The following NCAPD2 variants were observed in gnomAD, a reference collection of about 807,000 sequenced individuals.
NCAPD2 encodes condensin complex subunit 1.
A neutral mutation model predicts 164.5 loss-of-function variants in NCAPD2; 100 were observed. The ratio of observed to expected loss-of-function variants is 0.61; its 90% confidence interval spans 0.52 to 0.72. NCAPD2 has a LOEUF of 0.72. NCAPD2 is among the 30% of genes least tolerant of loss of function. The probability of loss-of-function intolerance (pLI) is 0.00; values close to 1 mark genes in which losing one functional copy is unlikely to be tolerated. For synonymous variants in NCAPD2, 585 were observed against 642.6 expected (o/e 0.91, Z 1.36); for missense variants, 1,560 against 1,749.2 (o/e 0.89, Z 1.93).
At chr12:6,508,984 GA>G (rs1388488950) in intron 2 of NCAPD2, among the ~76,000 whole-genome samples, 3 of 151,978 alleles carry the variant, frequency 2.0e-5, no homozygotes, top group Non-Finnish European at 4.4e-5. Context: ...TCAAGATGAT[GA>G]AAGATAAAGA....
intron 22 of NCAPD2, 64 bp downstream of exon 22, chr12:6,527,127 C>T (rs1379710647): frequency 6.9e-7 from 1 of 1,450,148 alleles, no homozygotes; most frequent in Non-Finnish European, 9.2e-7. Flanking sequence ...CTGAGCTGAT[C>T]CCCTTCCGGC....
Position 6,514,466 on chromosome 12 carries a change from G to A in NCAPD2, c.718G>A (p.Ala240Thr). ...ALTRYNHMLS[A>T]TVKIIQMLQH... ...TCTCATGTTTAATGCTTCCACAGGT[G>A]CTACAGTGAAGATCATCCAGATGCT... The change falls in exon 8 of 32, where the codon GCT becomes ACT. Residue 240 changes from alanine (A) to threonine (T), a missense_variant and splice_region_variant. Coordinates refer to ENST00000315579, the MANE Select transcript of NCAPD2 (RefSeq NM_014865.4). 1.2e-6 allele frequency: 2 copies of A among 1,614,146 alleles called. No individual in the cohort carries two copies. The highest frequency in any genetic ancestry group is 2.2e-5 in the South Asian group (2 of 91,078).
chr12:6,501,636 A>G (rs1373402615), intron 2 of NCAPD2, among the ~76,000 whole-genome samples: 1 of 152,182 alleles, frequency 6.6e-6, no homozygotes, highest in African/African-American at 2.4e-5. Context: ...CACATTTAGG[A>G]TTTAATACTC....
At chr12:6,504,204 T>TACAC (rs1271618704) in intron 2 of NCAPD2, among the ~76,000 whole-genome samples, 7 of 22,616 alleles carry the variant, frequency 3.1e-4, no homozygotes, top group Admixed American at 1.9e-3. Flanking sequence ...TATATATATA[T>TACAC]ATATATATAT....
chr12:6,525,925 G>C (rs1044234743), intron 18 of NCAPD2, 143 bp from the exon 19 acceptor site: 1 of 1,250,274 alleles, frequency 8.0e-7, no homozygotes, highest in African/African-American at 1.5e-5. Flanking sequence ...GACCCAAGAG[G>C]CTGGCCCTGC....
At chr12:6,511,329 G>GT in intron 6 of NCAPD2, 77 bp downstream of exon 6, 5 of 1,521,204 alleles carry the variant, frequency 3.3e-6, no homozygotes, top group East Asian at 2.3e-5. Context: ...CGTTTTTTTG[G>GT]TTTTGTTTTT....
chr12:6,523,351 G>A lies in NCAPD2; in HGVS notation c.2214+5G>A, dbSNP rs1946284068. Reference sequence around the variant, plus strand: ...ATTCAGTGTCTTGAGGAAATTGTAAGGCTTCCTGCTTTCTCTTTCTTTATT... The same window carrying A: ...ATTCAGTGTCTTGAGGAAATTGTAAAGCTTCCTGCTTTCTCTTTCTTTATT... On this transcript the variant is annotated splice_donor_5th_base_variant and intron_variant, in intron 17 of 31. Coordinates refer to ENST00000315579, the MANE Select transcript of NCAPD2 (RefSeq NM_014865.4). 2 of 1,602,826 alleles carry A rather than the reference G, an allele frequency of 1.2e-6. No homozygotes were observed. Among genetic ancestry groups the A allele is most frequent in the Non-Finnish European group, 1.7e-6 (2 of 1,171,718 alleles).
In NCAPD2 at chr12:6,522,889, G is replaced by A; in HGVS notation, c.2016G>A (p.Leu672=). The change falls in exon 16 of 32, where the codon CTG becomes CTA. Residue 672 remains leucine (L), a synonymous_variant. Transcript: ENST00000315579. ...TCCAATTTGGGGTACCCCAGGCCCT[G>A]TTTGGGGTGCGCCGTATGCTGCCTC... is the stretch of plus-strand genomic sequence containing the variant. ...MVFQFGVPQA[L]FGVRRMLPLI... is the part of the protein sequence containing the mutation. The A allele has an allele frequency of 2.5e-6, 4 of 1,614,206 alleles. No homozygotes were observed. The highest frequency in any genetic ancestry group is 3.4e-6 in the Non-Finnish European group (4 of 1,180,028).
chr12:6,498,169 A>C (rs958025614), intron 2 of NCAPD2, among the ~76,000 whole-genome samples: 1 of 152,158 alleles, frequency 6.6e-6, no homozygotes, highest in African/African-American at 2.4e-5. Context: ...TCAGCCTCCC[A>C]AAGTGCTGAG....
intron 21 of NCAPD2, 117 bp from the exon 22 acceptor site, chr12:6,526,774 C>A (rs1362021777): frequency 2.1e-6 from 3 of 1,421,242 alleles, no homozygotes; most frequent in Admixed American, 2.0e-5. Flanking sequence ...CCAACTCTTA[C>A]TACTTCACTA....
In NCAPD2 at chr12:6,530,931, C is replaced by G. The variant is rs375102795; in HGVS notation, c.3975C>G (p.Tyr1325Ter). 1.9e-6 allele frequency: 3 copies of G among 1,614,004 alleles called. No homozygotes were observed. In the African/African-American group the frequency reaches 4.0e-5, roughly 22 times the overall value. ...TCCTGCCTTTTCTAGGTTCTAGGTA[C>G]CAGCCTCTGGCTTCTACAGCCTCAG... Reference protein sequence around the residue: ...SAKKPSTGSRYQPLASTASDN... With the variant: ...SAKKPSTGSR Residue 1325 changes from tyrosine (Y) to a stop codon, truncating the protein, a stop_gained, in exon 31 of 32, where the codon TAC becomes TAG. Transcript: ENST00000315579. LOFTEE classifies it high-confidence loss of function.
intron 2 of NCAPD2, among the ~76,000 whole-genome samples, chr12:6,508,878 G>A (rs987953138): frequency 1.3e-5 from 2 of 152,050 alleles, no homozygotes; most frequent in African/African-American, 2.4e-5. Flanking sequence ...GTAATCTTAC[G>A]AAAATACATA....
In NCAPD2 at chr12:6,521,985, TAC is replaced by T; in HGVS notation, c.1904_1905del (p.Thr635ArgfsTer12). On this transcript the variant is annotated frameshift_variant, in exon 15 of 32. Transcript: ENST00000315579. LOFTEE classifies it high-confidence loss of function. ...ATGCCTACAGCTTCTCCCGGAAGAT[TAC>T]AGAGGCCATTGGCATCATCAGCAAG... The part of the protein sequence containing the change: ...QDAYSFSRKI[T>X]EAIGIISKMM... 1 of 1,614,188 alleles carries T rather than the reference TAC, an allele frequency of 6.2e-7. No homozygotes were observed. Among genetic ancestry groups the T allele is most frequent in the African/African-American group, 1.3e-5 (1 of 75,038 alleles).
intron 1 of NCAPD2, among the ~76,000 whole-genome samples, chr12:6,494,357 C>A (rs529374678): frequency 1.3e-5 from 2 of 149,382 alleles, no homozygotes; most frequent in Non-Finnish European, 3.0e-5. Context: ...TTAAGCAAAT[C>A]GCTTAACAGA....
chr12:6,528,538 GCTTTC>G lies in NCAPD2; in HGVS notation c.3300-140_3300-136del. The G allele has an allele frequency of 8.4e-7, 1 of 1,196,480 alleles. No individual in the cohort carries two copies. The allele number at this position is 1,196,480 out of a possible 1,614,324, so 74.1% of individuals were successfully genotyped here. The stretch of plus-strand genomic sequence containing the variant: ...AGCTTCACCTCTTTCCCCCACTCCA[GCTTTC>G]AACTCTAGACAGCTTTCTGACTGCT... On this transcript the variant is annotated intron_variant, in intron 25 of 31. Transcript: ENST00000315579. This position sits in a 1 kb window ranked among gnomAD's most constrained non-coding sequence, Gnocchi z 5.1.
At chr12:6,503,994 A>G (rs887604029) in intron 2 of NCAPD2, among the ~76,000 whole-genome samples, 2 of 151,654 alleles carry the variant, frequency 1.3e-5, no homozygotes, top group East Asian at 1.9e-4. Flanking sequence ...ATGTATATAT[A>G]TTTGTGAGGG....
In NCAPD2 at chr12:6,526,332, C is replaced by T; in HGVS notation, c.2527C>T (p.His843Tyr). ...CCCCCCCTTCCGGCTGCCTCAGGAA[C>T]ACAGGTTGTTTGAGCGACTGCGGGA... ...RHPPFRLPQE[H>Y]RLFERLRETV... is the part of the protein sequence containing the mutation. The change falls in exon 20 of 32, where the codon CAC becomes TAC. Residue 843 changes from histidine to tyrosine, a missense_variant. His to Tyr is a moderately conservative substitution (Grantham distance 83, BLOSUM62 2). Coordinates refer to ENST00000315579, the MANE Select transcript of NCAPD2 (RefSeq NM_014865.4). 1 of 1,614,174 alleles carries T rather than the reference C, an allele frequency of 6.2e-7. No homozygotes were observed. The highest frequency in any genetic ancestry group is 1.3e-5 in the African/African-American group (1 of 75,052).
Position 6,528,464 on chromosome 12 carries a change from A to G in NCAPD2, c.3299+136A>G. The stretch of plus-strand genomic sequence containing the variant: ...CATCTGCTTGATACTTGACCTGTAC[A>G]GGCCCCTGGCTAAGAGTCACCCCAG... On this transcript the variant is annotated intron_variant, in intron 25 of 31. Coordinates refer to ENST00000315579, the MANE Select transcript of NCAPD2 (RefSeq NM_014865.4). The surrounding 1 kb of genome is among the most constrained non-coding windows in gnomAD (Gnocchi z 5.1). 2 of 1,301,666 alleles carry G rather than the reference A, an allele frequency of 1.5e-6. No individual in the cohort carries two copies. The highest frequency in any genetic ancestry group is 2.3e-5 in the East Asian group (1 of 43,074). The allele number at this position is 1,301,666 out of a possible 1,614,324, so 80.6% of individuals were successfully genotyped here. A position where few individuals can be genotyped will look rare whatever the true frequency, so the allele number is the denominator to read the frequency against.
At position 6,528,503 on chromosome 12, in the gene NCAPD2, T is replaced by A; in HGVS notation, c.3299+175T>A. ...GAGTCACCCCAGTGGGACTGACACT[T>A]CTGGTTAGAAGCTTCACCTCTTTCC... On this transcript the variant is annotated intron_variant, in intron 25 of 31. Coordinates refer to ENST00000315579, the MANE Select transcript of NCAPD2 (RefSeq NM_014865.4). The surrounding 1 kb of genome is among the most constrained non-coding windows in gnomAD (Gnocchi z 5.1). The A allele has an allele frequency of 1.8e-6, 2 of 1,135,792 alleles. No individual in the cohort carries two copies. The highest frequency in any genetic ancestry group is 2.5e-6 in the Non-Finnish European group (2 of 800,754). 70.4% of individuals were successfully genotyped at this position (1,135,792 alleles called of 1,614,324 possible).
Sources: allele counts gnomAD v4.1 joint callset (sites outside exome capture counted in the v4.1 genomes callset), GRCh38; gene constraint gnomAD v4.1.1; non-coding constraint Gnocchi (gnomAD v3.1); transcripts MANE v1.5; gene names NCBI Gene and HGNC (gene_info 2026-07-23, HGNC 2026-07-21).